Variants in ZNF704 observed in about 807,000 individuals in gnomAD.
ZNF704 encodes the protein zinc finger protein 704, also known as glucocorticoid induced gene 1.
A neutral mutation model predicts 44.7 loss-of-function variants in ZNF704; 10 were observed. That is an observed-to-expected ratio of 0.22 (90% CI 0.14 to 0.38). The LOEUF (loss-of-function observed/expected upper bound fraction) is 0.38. ZNF704 is among the 10% of genes least tolerant of loss of function. The probability of loss-of-function intolerance (pLI) is 1.00; values close to 1 mark genes in which losing one functional copy is unlikely to be tolerated. For synonymous variants in ZNF704, 211 were observed against 207.6 expected (o/e 1.02, Z -0.14); for missense variants, 390 against 545.5 (o/e 0.71, Z 2.84).
At chr8:80,714,703 T>C (rs1198961516) in intron 2 of ZNF704, among the ~76,000 whole-genome samples, 1 of 152,190 alleles carries the variant, frequency 6.6e-6, no homozygotes, top group Non-Finnish European at 1.5e-5. Flanking sequence ...TAGCGACCAT[T>C]AGTTTCTATT....
intron 5 of ZNF704, among the ~76,000 whole-genome samples, chr8:80,668,182 C>G (rs1294905299): frequency 6.6e-6 from 1 of 152,228 alleles, no homozygotes; most frequent in Non-Finnish European, 1.5e-5. Context: ...TGCTTCTCTT[C>G]TCTAGAAACC....
chr8:80,652,280 A>G (rs1342861589), intron 7 of ZNF704, among the ~76,000 whole-genome samples: 1 of 152,158 alleles, frequency 6.6e-6, no homozygotes, highest in Non-Finnish European at 1.5e-5. Flanking sequence ...GAGCAAACAC[A>G]TTCAAAAGCT....
At chr8:80,662,994 T>A (rs74369775) in intron 6 of ZNF704, among the ~76,000 whole-genome samples, 7,073 of 152,302 alleles carry the variant, frequency 0.046, 564 homozygotes, top group African/African-American at 0.16. Context: ...AAGGAGATTT[T>A]AAAAAGTTGA....
At chr8:80,698,494 T>C (rs1818759778) in intron 2 of ZNF704, among the ~76,000 whole-genome samples, 2 of 152,160 alleles carry the variant, frequency 1.3e-5, no homozygotes, top group African/African-American at 4.8e-5. Context: ...AAGGGCTTTA[T>C]CCTTATCTTA....
At chr8:80,823,717 C>T (rs1204871848) in intron 1 of ZNF704, among the ~76,000 whole-genome samples, 1 of 152,100 alleles carries the variant, frequency 6.6e-6, no homozygotes, top group Non-Finnish European at 1.5e-5. Flanking sequence ...CCCTCTGAGA[C>T]GAAGCTTCCA....
At chr8:80,644,478 C>G (rs1392401868) in intron 7 of ZNF704, among the ~76,000 whole-genome samples, 1 of 152,078 alleles carries the variant, frequency 6.6e-6, no homozygotes, top group Non-Finnish European at 1.5e-5. Flanking sequence ...TAAAAACTTC[C>G]TCTTTAACCA....
chr8:80,636,857 T>C lies in ZNF704; in HGVS notation c.*4509A>G, dbSNP rs1344042762. The C allele has an allele frequency of 1.3e-5, 2 of 152,232 alleles. No individual in the cohort carries two copies. The highest frequency in any genetic ancestry group is 2.9e-5 in the Non-Finnish European group (2 of 68,034). The allele number at this position is 152,232 out of a possible 1,614,324, so 9.4% of individuals were successfully genotyped here. On this transcript the variant is annotated 3_prime_UTR_variant, in exon 9 of 9. Transcript: ENST00000327835. ...GCAGCACCTTGTCCACAAAAGTCCA[T>C]GGAAGTTTGTTCGCTAACATGCTAT...
chr8:80,862,702 T>C (rs1350471186), intron 1 of ZNF704, among the ~76,000 whole-genome samples: 1 of 131,050 alleles, frequency 7.6e-6, no homozygotes, highest in East Asian at 2.2e-4. Context: ...GAGGCGGAGG[T>C]TGCAGTGAGC....
chr8:80,843,251 C>A (rs1462012934), intron 1 of ZNF704, among the ~76,000 whole-genome samples: 2 of 152,230 alleles, frequency 1.3e-5, no homozygotes, highest in African/African-American at 4.8e-5. Flanking sequence ...GTTTTACAGA[C>A]TTCTTACACT....
intron 2 of ZNF704, among the ~76,000 whole-genome samples, chr8:80,753,428 T>A (rs1806981608): frequency 1.3e-5 from 2 of 151,536 alleles, no homozygotes. Flanking sequence ...CTTATATTTC[T>A]GGGCTTTCTG....
chr8:80,739,256 CTCT>C (rs1308922976), intron 2 of ZNF704, among the ~76,000 whole-genome samples: 1 of 152,218 alleles, frequency 6.6e-6, no homozygotes, highest in Non-Finnish European at 1.5e-5. Context: ...TTCGAGCAAT[CTCT>C]TCTTATACAT....
At chr8:80,702,036 G>C (rs1034415112) in intron 2 of ZNF704, among the ~76,000 whole-genome samples, 1 of 152,196 alleles carries the variant, frequency 6.6e-6, no homozygotes, top group East Asian at 1.9e-4. Context: ...GAGCTAGTAG[G>C]GATGAATAGG....
At chr8:80,795,094 T>A (rs1807775408) in intron 2 of ZNF704, among the ~76,000 whole-genome samples, 1 of 152,106 alleles carries the variant, frequency 6.6e-6, no homozygotes, top group South Asian at 2.1e-4. Context: ...GAATCTCCCA[T>A]CCCAATGCCC....
chr8:80,867,933 A>T (rs570004831), intron 1 of ZNF704, among the ~76,000 whole-genome samples: 1 of 152,336 alleles, frequency 6.6e-6, no homozygotes, highest in East Asian at 1.9e-4. Flanking sequence ...GGCTTCTAGC[A>T]GTCTTTTGTG....
intron 2 of ZNF704, among the ~76,000 whole-genome samples, chr8:80,771,499 T>C (rs1019429629): frequency 2.0e-5 from 3 of 152,218 alleles, no homozygotes; most frequent in African/African-American, 7.2e-5. Context: ...AGTTGTCATG[T>C]GTTCATTGCT....
intron 1 of ZNF704, among the ~76,000 whole-genome samples, chr8:80,829,765 T>A (rs1808437504): frequency 1.3e-5 from 2 of 152,196 alleles, no homozygotes. Flanking sequence ...TAATACTTTC[T>A]AAGTAAAAAA....
At chr8:80,674,982 G>C (rs1585942487) in intron 4 of ZNF704, among the ~76,000 whole-genome samples, 1 of 152,236 alleles carries the variant, frequency 6.6e-6, no homozygotes, top group East Asian at 1.9e-4. Flanking sequence ...TTTGCTGATG[G>C]CATTCTTTCA....
chr8:80,735,499 T>C lies in ZNF704; in HGVS notation c.222-42392A>G, dbSNP rs532301264. On this transcript the variant is annotated intron_variant, in intron 2 of 8. Transcript: ENST00000327835. The stretch of plus-strand genomic sequence containing the variant: ...AATCTTCTAAAGTTCCCACACAAAA[T>C]CCATGTTCAACAAATGCCTTTTAAA... Among the ~76,000 whole-genome samples, 9 of 152,328 alleles carry C rather than the reference T, an allele frequency of 5.9e-5. No homozygotes were observed. In the East Asian group the frequency reaches 1.7e-3, roughly 29 times the overall value.
chr8:80,692,526 A>G (rs1818656547), intron 3 of ZNF704, among the ~76,000 whole-genome samples: 1 of 152,216 alleles, frequency 6.6e-6, no homozygotes, highest in Admixed American at 6.5e-5. Context: ...TTCATCTAGC[A>G]TGGTACCTGA....
Sources: gnomAD v4.1 joint callset for allele counts (sites outside exome capture counted in the v4.1 genomes callset) on GRCh38, gnomAD v4.1.1 for gene constraint, MANE v1.5 for transcripts, NCBI Gene and HGNC (gene_info 2026-07-23, HGNC 2026-07-21) for gene names.